DLG2: variants seen among roughly 807,000 people sequenced by gnomAD.
DLG2 encodes the protein discs large MAGUK scaffold protein 2.
Under a neutral mutation model 132.5 loss-of-function variants are expected in DLG2, and 45 were observed. The ratio of observed to expected loss-of-function variants is 0.34; its 90% CI spans 0.27 to 0.44. The LOEUF is 0.44. Ranked by LOEUF, DLG2 falls within the 20% of genes least tolerant of loss-of-function variation. DLG2 has a pLI of 1.00. For missense variants in DLG2, 1,045 were observed against 1,196.9 expected, an observed-to-expected ratio of 0.87 and a Z score of 1.87; for synonymous variants, 424 against 419.6, an observed-to-expected ratio of 1.01 and a Z score of -0.13.
At chr11:84,969,422 T>C (rs988767333) in intron 6 of DLG2, among the ~76,000 whole-genome samples, 1 of 152,186 alleles carries the variant, frequency 6.6e-6, no homozygotes, top group Non-Finnish European at 1.5e-5. Context: ...TTCTCTTCTC[T>C]ATATCTTCTA....
At chr11:84,558,296 A>C (rs2099416026) in intron 6 of DLG2, among the ~76,000 whole-genome samples, 1 of 152,160 alleles carries the variant, frequency 6.6e-6, no homozygotes, top group African/African-American at 2.4e-5. Flanking sequence ...CAAGCTAAGC[A>C]TCCTTAAATC....
intron 6 of DLG2, among the ~76,000 whole-genome samples, chr11:84,908,342 C>T (rs1224489343): frequency 6.6e-6 from 1 of 152,040 alleles, no homozygotes. Flanking sequence ...CTTCAAAATT[C>T]AATGTGTTTT....
At chr11:84,839,605 T>C (rs1433028747) in intron 6 of DLG2, among the ~76,000 whole-genome samples, 1 of 152,088 alleles carries the variant, frequency 6.6e-6, no homozygotes, top group Non-Finnish European at 1.5e-5. Flanking sequence ...ATTACAAGGC[T>C]ACAGTAACCA....
At position 83,930,445 on chromosome 11, in the gene DLG2, C is replaced by T; in HGVS notation, c.1379G>A (p.Cys460Tyr). Residue 460 changes from cysteine to tyrosine, a missense_variant, in exon 15 of 28, where the codon TGT becomes TAT. By Grantham distance (194) the Cys-to-Tyr change is radical. This residue lies in a region of DLG2 where 261 missense variants were observed against 256.1 expected (regional missense o/e 1.02). Transcript: ENST00000376104. ...GTGCCTGGGAGAAGCAGGCTTATCA[C>T]ATAGTTTGTTCACAGTGCTGTAAAC... ...EPVYSTVNKL[C>Y]DKPASPRHYS... 1.2e-6 allele frequency: 2 copies of T among 1,614,050 alleles called. No individual in the cohort carries two copies. The highest frequency in any genetic ancestry group is 1.7e-6 in the Non-Finnish European group (2 of 1,179,946).
intron 15 of DLG2, among the ~76,000 whole-genome samples, chr11:83,915,504 G>T (rs1389187038): frequency 6.6e-6 from 1 of 152,128 alleles, no homozygotes; most frequent in African/African-American, 2.4e-5. Flanking sequence ...CAAACAAAAA[G>T]TAGTTAGTAA....
intron 3 of DLG2, among the ~76,000 whole-genome samples, chr11:85,318,420 T>G (rs534400244): frequency 6.6e-6 from 1 of 151,828 alleles, no homozygotes; most frequent in Non-Finnish European, 1.5e-5. Flanking sequence ...ATATAAATAG[T>G]TGACAACATT....
At chr11:84,239,067 T>C (rs1811130926) in intron 8 of DLG2, among the ~76,000 whole-genome samples, 1 of 152,228 alleles carries the variant, frequency 6.6e-6, no homozygotes, top group Non-Finnish European at 1.5e-5. Flanking sequence ...AAATTCACTC[T>C]ATTAAAACAG....
chr11:83,942,441 A>G (rs2082871179), intron 14 of DLG2, among the ~76,000 whole-genome samples: 1 of 152,204 alleles, frequency 6.6e-6, no homozygotes, highest in Non-Finnish European at 1.5e-5. Flanking sequence ...AAAAGAGTCT[A>G]GAAGCATACG....
chr11:84,259,411 A>G (rs888665727), intron 7 of DLG2, among the ~76,000 whole-genome samples: 1 of 152,134 alleles, frequency 6.6e-6, no homozygotes, highest in African/African-American at 2.4e-5. Context: ...CCCAGCTCTA[A>G]GTCATCACTA....
intron 17 of DLG2, among the ~76,000 whole-genome samples, chr11:83,825,426 C>G (rs1164393412): frequency 1.3e-5 from 2 of 151,800 alleles, no homozygotes; most frequent in African/African-American, 4.8e-5. Context: ...GGTGAACTGC[C>G]CAACTCAGCC....
intron 6 of DLG2, among the ~76,000 whole-genome samples, chr11:85,079,704 T>A (rs1218842836): frequency 1.3e-5 from 2 of 152,030 alleles, no homozygotes; most frequent in Non-Finnish European, 2.9e-5. Flanking sequence ...CAGATGTGAA[T>A]GGAGGTGGAC....
At chr11:84,513,521 GA>G (rs2099263287) in intron 7 of DLG2, among the ~76,000 whole-genome samples, 1 of 151,990 alleles carries the variant, frequency 6.6e-6, no homozygotes, top group African/African-American at 2.4e-5. Flanking sequence ...AGAGAACCCA[GA>G]AACAAATCCA....
chr11:84,453,061 T>A (rs1164238803), intron 7 of DLG2, among the ~76,000 whole-genome samples: 1 of 151,508 alleles, frequency 6.6e-6, no homozygotes, highest in Non-Finnish European at 1.5e-5. Flanking sequence ...ATCTACTATG[T>A]ATAAATTTTC....
At chr11:84,350,033 CG>C (rs1197894558) in intron 7 of DLG2, among the ~76,000 whole-genome samples, 6 of 151,776 alleles carry the variant, frequency 4.0e-5, no homozygotes, top group Non-Finnish European at 7.4e-5. Flanking sequence ...AAAAAATTAG[CG>C]GGGCGTGGTG....
intron 9 of DLG2, among the ~76,000 whole-genome samples, chr11:84,108,970 G>T (rs1362084182): frequency 2.0e-5 from 3 of 152,160 alleles, no homozygotes; most frequent in Admixed American, 6.6e-5. Context: ...GCTGGACAGG[G>T]ATGCTGTGTA....
At chr11:83,835,356 G>A (rs1516624) in intron 16 of DLG2, among the ~76,000 whole-genome samples, 110,216 of 152,096 alleles carry the variant, frequency 0.72, 41,174 homozygotes, top group African/African-American at 0.91. Flanking sequence ...GAGAAAAAAA[G>A]GCAGAGCAGT....
intron 7 of DLG2, among the ~76,000 whole-genome samples, chr11:84,299,239 A>T (rs2098126529): frequency 6.6e-6 from 1 of 152,210 alleles, no homozygotes; most frequent in Admixed American, 6.5e-5. Flanking sequence ...TCTTTAAATG[A>T]TTTGAAGTTG....
intron 6 of DLG2, among the ~76,000 whole-genome samples, chr11:84,980,238 C>T (rs2055540021): frequency 6.6e-6 from 1 of 152,074 alleles, no homozygotes; most frequent in Non-Finnish European, 1.5e-5. Context: ...AGAAGTACCT[C>T]TCATATGGAG....
chr11:84,633,987 C>T (rs1333765293), intron 6 of DLG2, among the ~76,000 whole-genome samples: 1 of 152,174 alleles, frequency 6.6e-6, no homozygotes, highest in Non-Finnish European at 1.5e-5. Context: ...ATTATTGGCA[C>T]ATTTAGCCAT....
Sources: gnomAD v4.1 joint callset for allele counts (sites outside exome capture counted in the v4.1 genomes callset) on GRCh38, gnomAD v4.1.1 for gene constraint, gnomAD v4.1.1 regional missense constraint, MANE v1.5 for transcripts, NCBI Gene and HGNC (gene_info 2026-07-23, HGNC 2026-07-21) for gene names.